The following RAB38 variants were observed in gnomAD, a reference collection of about 807,000 sequenced individuals.
RAB38 encodes the protein RAB38, member RAS oncogene family, also known as ras-related protein Rab-38.
RAB38 carries 15 observed loss-of-function variants against 18.4 expected under a neutral mutation model. The ratio of observed to expected loss-of-function variants is 0.82; its 90% CI spans 0.55 to 1.26. The LOEUF (loss-of-function observed/expected upper bound fraction) is 1.26, where lower values mean the gene tolerates loss of function less well. RAB38 is among the 50% of genes most tolerant of loss of function. The probability of loss-of-function intolerance (pLI) is 0.00; values close to 1 mark genes in which losing one functional copy is unlikely to be tolerated. For missense variants in RAB38, 294 were observed against 267.4 expected, an observed-to-expected ratio of 1.10 and a Z score of -0.69; for synonymous variants, 101 against 104.4, an observed-to-expected ratio of 0.97 and a Z score of 0.20.
At chr11:88,099,670 T>C in the RAB38 span, among the ~76,000 whole-genome samples, 2 of 151,798 alleles carry the variant, frequency 1.3e-5, no homozygotes, top group Non-Finnish European at 2.9e-5. Flanking sequence ...GAGAATATGT[T>C]AAGATGTCCT....
chr11:88,004,155 G>T, the RAB38 span, among the ~76,000 whole-genome samples: 2 of 148,598 alleles, frequency 1.3e-5, no homozygotes, highest in African/African-American at 2.5e-5. Context: ...ATTACTTATA[G>T]AACAATTGCC....
chr11:87,820,599 C>T, the RAB38 span, among the ~76,000 whole-genome samples: 1 of 152,078 alleles, frequency 6.6e-6, no homozygotes, highest in South Asian at 2.1e-4. Flanking sequence ...TTTCCCAGGT[C>T]TCAAATGATT....
At chr11:88,088,843 A>G in the RAB38 span, among the ~76,000 whole-genome samples, 2 of 151,894 alleles carry the variant, frequency 1.3e-5, no homozygotes, top group Non-Finnish European at 2.9e-5. Context: ...CCATAGACTC[A>G]AGATATATCG....
At chr11:87,893,207 T>C in the RAB38 span, among the ~76,000 whole-genome samples, 1 of 151,038 alleles carries the variant, frequency 6.6e-6, no homozygotes, top group African/African-American at 2.4e-5. Context: ...AGGCAGGAAA[T>C]ATCACACTGG....
the RAB38 span, among the ~76,000 whole-genome samples, chr11:87,849,234 T>G: frequency 6.6e-6 from 1 of 152,178 alleles, no homozygotes; most frequent in African/African-American, 2.4e-5. Flanking sequence ...GACCCAAGTT[T>G]CTTGGGGTTT....
chr11:87,840,285 A>C, the RAB38 span, among the ~76,000 whole-genome samples: 15 of 152,170 alleles, frequency 9.9e-5, no homozygotes, highest in Non-Finnish European at 2.9e-5. Flanking sequence ...TAAATCCCCT[A>C]TTTGCTTCAT....
the RAB38 span, among the ~76,000 whole-genome samples, chr11:87,916,313 G>A: frequency 8.6e-5 from 13 of 151,998 alleles, no homozygotes; most frequent in African/African-American, 2.9e-4. Context: ...TGAGAGGTGG[G>A]GCCTAGTGGG....
At chr11:88,009,502 G>T in the RAB38 span, among the ~76,000 whole-genome samples, 56 of 152,264 alleles carry the variant, frequency 3.7e-4, no homozygotes, top group Admixed American at 3.4e-3. Flanking sequence ...CTGCATAGAA[G>T]CTGTGTGAAA....
the RAB38 span, among the ~76,000 whole-genome samples, chr11:87,975,261 G>C: frequency 6.6e-6 from 1 of 151,840 alleles, no homozygotes; most frequent in Non-Finnish European, 1.5e-5. Context: ...CCCGAAGAAA[G>C]TCACATTCTG....
the RAB38 span, among the ~76,000 whole-genome samples, chr11:88,055,335 A>G: frequency 6.6e-6 from 1 of 152,238 alleles, no homozygotes; most frequent in Non-Finnish European, 1.5e-5. Flanking sequence ...TTGATATTAT[A>G]ATTTGTAAAT....
the RAB38 span, among the ~76,000 whole-genome samples, chr11:88,068,265 T>C: frequency 6.6e-6 from 1 of 152,092 alleles, no homozygotes; most frequent in African/African-American, 2.4e-5. Context: ...TCGTTGGTAA[T>C]TGAGTTATAT....
chr11:87,933,213 A>C, the RAB38 span, among the ~76,000 whole-genome samples: 1 of 152,138 alleles, frequency 6.6e-6, no homozygotes, highest in Non-Finnish European at 1.5e-5. Context: ...TCAGGTAGAG[A>C]TGCTACAACA....
At chr11:87,944,220 G>A in the RAB38 span, among the ~76,000 whole-genome samples, 1 of 152,092 alleles carries the variant, frequency 6.6e-6, no homozygotes, top group Non-Finnish European at 1.5e-5. Context: ...TATTAGAAAA[G>A]TGGTATGCTA....
At chr11:87,824,254 A>T in the RAB38 span, among the ~76,000 whole-genome samples, 3 of 152,168 alleles carry the variant, frequency 2.0e-5, no homozygotes, top group African/African-American at 7.2e-5. Context: ...ACAGTAAGAG[A>T]AATTGGCCCA....
chr11:87,893,790 C>T, the RAB38 span, among the ~76,000 whole-genome samples: 1 of 151,722 alleles, frequency 6.6e-6, no homozygotes, highest in African/African-American at 2.4e-5. Flanking sequence ...TTTGTCCTTT[C>T]GTGACCAGTT....
chr11:87,898,126 T>G, the RAB38 span, among the ~76,000 whole-genome samples: 1 of 151,600 alleles, frequency 6.6e-6, no homozygotes, highest in East Asian at 2.0e-4. Context: ...AGTTGCCTAC[T>G]CAGCACATCA....
chr11:88,160,516 A>G (rs1435168375), intron 1 of RAB38, among the ~76,000 whole-genome samples: 1 of 152,114 alleles, frequency 6.6e-6, no homozygotes, highest in Non-Finnish European at 1.5e-5. Flanking sequence ...CATTCTACCA[A>G]AAACACGTGC....
At chr11:88,136,972 C>A (rs866048293) in intron 2 of RAB38, among the ~76,000 whole-genome samples, 37 of 152,204 alleles carry the variant, frequency 2.4e-4, no homozygotes, top group African/African-American at 8.2e-4. Context: ...CACCAACTAG[C>A]ATACCCCTGT....
At chr11:87,976,230 T>A in the RAB38 span, among the ~76,000 whole-genome samples, 2 of 146,564 alleles carry the variant, frequency 1.4e-5, no homozygotes, top group Non-Finnish European at 3.0e-5. Flanking sequence ...TATACCTATA[T>A]ATATATACAC....
Sources: allele counts gnomAD v4.1 joint callset (sites outside exome capture counted in the v4.1 genomes callset), GRCh38; gene constraint gnomAD v4.1.1; transcripts MANE v1.5; gene names NCBI Gene and HGNC (gene_info 2026-07-23, HGNC 2026-07-21).